USP49: variants seen among roughly 807,000 people sequenced by gnomAD.
The protein encoded by USP49 is ubiquitin specific peptidase 49.
A neutral mutation model predicts 58.6 loss-of-function variants in USP49; 24 were observed. The observed-to-expected ratio is 0.41, with a 90% CI of 0.30 to 0.58. USP49 has a LOEUF of 0.58. Ranked by LOEUF, USP49 falls within the 20% of genes least tolerant of loss-of-function variation. The probability of loss-of-function intolerance (pLI) is 0.30; values close to 1 mark genes in which losing one functional copy is unlikely to be tolerated. For missense variants in USP49, 703 were observed against 866.1 expected, an observed-to-expected ratio of 0.81 and a Z score of 2.36; for synonymous variants, 408 against 365.1, an observed-to-expected ratio of 1.12 and a Z score of -1.34.
intron 3 of USP49, among the ~76,000 whole-genome samples, chr6:41,865,846 G>T (rs1361344039): frequency 3.1e-5 from 3 of 95,292 alleles, no homozygotes; most frequent in African/African-American, 4.1e-5. Flanking sequence ...GTCTAACTAT[G>T]TTGCCCAGGC....
intron 5 of USP49, among the ~76,000 whole-genome samples, chr6:41,801,458 G>A (rs1357308133): frequency 6.6e-6 from 1 of 152,196 alleles, no homozygotes; most frequent in African/African-American, 2.4e-5. Flanking sequence ...TGCCATAGGA[G>A]AAGCTTTTAC....
chr6:41,847,117 G>T (rs1437955556), intron 3 of USP49, among the ~76,000 whole-genome samples: 1 of 152,194 alleles, frequency 6.6e-6, no homozygotes, highest in East Asian at 1.9e-4. Context: ...CCCAGCAAGA[G>T]ATTATAAGGC....
At chr6:41,824,982 AT>A (rs1773514515) in intron 3 of USP49, among the ~76,000 whole-genome samples, 1 of 152,232 alleles carries the variant, frequency 6.6e-6, no homozygotes, top group Non-Finnish European at 1.5e-5. Flanking sequence ...GAACTCAACT[AT>A]AGTGAGCAGG....
intron 5 of USP49, among the ~76,000 whole-genome samples, chr6:41,801,879 G>A (rs1389998777): frequency 6.6e-6 from 1 of 152,082 alleles, no homozygotes; most frequent in Non-Finnish European, 1.5e-5. Context: ...CTGATAAATT[G>A]GCATATCTGA....
At chr6:41,852,488 A>G (rs1360549615) in intron 3 of USP49, among the ~76,000 whole-genome samples, 1 of 152,250 alleles carries the variant, frequency 6.6e-6, no homozygotes, top group Non-Finnish European at 1.5e-5. Flanking sequence ...AATCTCATTA[A>G]TAACAGCATA....
intron 2 of USP49, 123 bp from the exon 3 acceptor site, chr6:41,871,760 G>A (rs1429052850): frequency 2.8e-5 from 4 of 144,736 alleles, no homozygotes; most frequent in Admixed American, 6.9e-5. Flanking sequence ...CTCCCTACAA[G>A]TCCTTAAAAC....
chr6:41,805,229 G>T (rs986700910), intron 4 of USP49, among the ~76,000 whole-genome samples: 1 of 152,204 alleles, frequency 6.6e-6, no homozygotes, highest in Admixed American at 6.5e-5. Flanking sequence ...TGTATGTAAA[G>T]AAGGGAGATT....
At chr6:41,835,667 T>G (rs181440036) in intron 3 of USP49, among the ~76,000 whole-genome samples, 19 of 151,352 alleles carry the variant, frequency 1.3e-4, no homozygotes, top group Non-Finnish European at 2.2e-4. Flanking sequence ...TGAGCCAAGA[T>G]TGCGCCACTG....
At position 41,806,738 on chromosome 6, in the gene USP49, G is replaced by A. The variant is rs1168103610; in HGVS notation, c.246C>T (p.Tyr82=). The change falls in exon 4 of 8, where the codon TAC becomes TAT. Residue 82 remains tyrosine (Y), a synonymous_variant. Coordinates refer to ENST00000682992, the MANE Select transcript of USP49 (RefSeq NM_001286554.2). This position sits in a 1 kb window ranked among gnomAD's most constrained non-coding sequence, Gnocchi z 5.9. ...CCCCCTCTGGGTTATCATTGAGCACGTAGTCCTTGCACAGGTAACAGAACA... is the reference window on the plus strand; with the variant it reads ...CCCCCTCTGGGTTATCATTGAGCACATAGTCCTTGCACAGGTAACAGAACA... ...LYVFCYLCKD[Y]VLNDNPEGDL... 4 of 1,614,248 alleles carry A rather than the reference G, an allele frequency of 2.5e-6. No homozygotes were observed. The highest frequency in any genetic ancestry group is 3.4e-6 in the Non-Finnish European group (4 of 1,180,032).
intron 3 of USP49, among the ~76,000 whole-genome samples, chr6:41,821,715 A>T (rs1038122801): frequency 2.0e-5 from 3 of 152,140 alleles, no homozygotes; most frequent in African/African-American, 7.2e-5. Flanking sequence ...TGGAGGTTGC[A>T]GTGAGCCGAG....
intron 2 of USP49, chr6:41,886,558 A>G (rs539631327): frequency 3.3e-4 from 51 of 152,368 alleles, no homozygotes; most frequent in African/African-American, 1.2e-3. Context: ...TGCAAAAATA[A>G]GTACCATAAA....
chr6:41,809,027 C>T (rs894047095), intron 3 of USP49, among the ~76,000 whole-genome samples: 2 of 152,100 alleles, frequency 1.3e-5, no homozygotes, highest in South Asian at 4.1e-4. Flanking sequence ...GATCCTCCCA[C>T]CTCAGCCTCT....
chr6:41,798,980 G>C (rs781519187), intron 6 of USP49, 51 bp from the exon 7 acceptor site: 1 of 1,564,198 alleles, frequency 6.4e-7, no homozygotes, highest in South Asian at 1.2e-5. Flanking sequence ...ATATATAATC[G>C]TAGGTAGAGG....
intron 3 of USP49, among the ~76,000 whole-genome samples, chr6:41,845,567 G>C (rs1379556893): frequency 6.6e-6 from 1 of 151,790 alleles, no homozygotes; most frequent in African/African-American, 2.4e-5. Context: ...TGTGCCTGTA[G>C]TCCCAGCTAC....
At chr6:41,817,314 AT>A (rs1773372650) in intron 3 of USP49, among the ~76,000 whole-genome samples, 2 of 139,874 alleles carry the variant, frequency 1.4e-5, no homozygotes, top group Admixed American at 1.5e-4. Flanking sequence ...TGCCCAGCTA[AT>A]TTTTGTATTT....
intron 2 of USP49, among the ~76,000 whole-genome samples, chr6:41,875,835 G>C (rs1211004488): frequency 6.6e-6 from 1 of 152,056 alleles, no homozygotes; most frequent in Non-Finnish European, 1.5e-5. Flanking sequence ...GGGTTCAAGT[G>C]ATTCTCCTGC....
At chr6:41,843,668 G>T (rs1190751794) in intron 3 of USP49, among the ~76,000 whole-genome samples, 3 of 152,160 alleles carry the variant, frequency 2.0e-5, no homozygotes, top group Non-Finnish European at 4.4e-5. Flanking sequence ...AGCAGTATGG[G>T]AGGCTAAGGC....
intron 3 of USP49, among the ~76,000 whole-genome samples, chr6:41,833,875 C>G (rs778259588): frequency 6.6e-6 from 1 of 152,214 alleles, no homozygotes; most frequent in South Asian, 2.1e-4. Flanking sequence ...TCTGTCTTGG[C>G]AGTTTATCTA....
chr6:41,806,830 C>A lies in USP49; in HGVS notation c.154G>T (p.Asp52Tyr). ...TCCTCAAAGTGTTTCAGGGCGTGGT[C>A]CTCAATATAGCGGCCGCAGGCCACG... ...SHVACGRYIE[D>Y]HALKHFEETG... The change falls in exon 4 of 8, where the codon GAC (aspartate) becomes TAC (tyrosine). Residue 52 changes from aspartate (D) to tyrosine (Y), a missense_variant. Asp to Tyr is a radical substitution (Grantham distance 160). Transcript: ENST00000682992. This position sits in a 1 kb window ranked among gnomAD's most constrained non-coding sequence, Gnocchi z 5.9. 2 of 1,614,134 alleles carry A rather than the reference C, an allele frequency of 1.2e-6. No homozygotes were observed. The highest frequency in any genetic ancestry group is 1.7e-6 in the Non-Finnish European group (2 of 1,180,016).
Sources: allele counts gnomAD v4.1 joint callset (sites outside exome capture counted in the v4.1 genomes callset), GRCh38; gene constraint gnomAD v4.1.1; non-coding constraint Gnocchi (gnomAD v3.1); transcripts MANE v1.5; gene names NCBI Gene and HGNC (gene_info 2026-07-23, HGNC 2026-07-21).